SLC39A10: variants seen among roughly 807,000 people sequenced by gnomAD.
SLC39A10 encodes the protein solute carrier family 39 member 10.
A neutral mutation model predicts 65.1 loss-of-function variants in SLC39A10; 13 were observed. That is an observed-to-expected ratio of 0.20 (90% CI 0.13 to 0.32). SLC39A10 has a LOEUF of 0.32. Ranked by LOEUF, SLC39A10 falls within the 10% of genes least tolerant of loss-of-function variation. The pLI, the probability that SLC39A10 is intolerant of heterozygous loss-of-function variation, is 1.00. For synonymous variants in SLC39A10, 321 were observed against 342.2 expected, an observed-to-expected ratio of 0.94 and a Z score of 0.68; for missense variants, 831 against 1,018.4, an observed-to-expected ratio of 0.82 and a Z score of 2.50.
At chr2:195,705,126 C>T (rs1337283118) in intron 3 of SLC39A10, among the ~76,000 whole-genome samples, 1 of 152,122 alleles carries the variant, frequency 6.6e-6, no homozygotes, top group African/African-American at 2.4e-5. Flanking sequence ...TTTCCACTAA[C>T]CAGGATATAT....
chr2:195,683,807 A>G lies in SLC39A10; in HGVS notation c.1117A>G (p.Ser373Gly). 1 of 1,613,410 alleles carries G rather than the reference A, an allele frequency of 6.2e-7. No individual in the cohort carries two copies. The highest frequency in any genetic ancestry group is 1.1e-5 in the South Asian group (1 of 91,072). The stretch of plus-strand genomic sequence containing the variant: ...CCCTGCATTGTTATATCAAATCGAC[A>G]GCAGACTTTGTATTGAGCATTTTGA... Reference protein sequence around the residue: ...LCPALLYQIDSRLCIEHFDKL... With the variant: ...LCPALLYQIDGRLCIEHFDKL... The change falls in exon 3 of 10, where the codon AGC (serine) becomes GGC (glycine). Residue 373 changes from serine (S) to glycine (G), a missense_variant. This residue lies in a region of SLC39A10 where 446 missense variants were observed against 499.2 expected (regional missense o/e 0.89). Transcript: ENST00000359634.
At chr2:195,708,132 A>G (rs1691473621) in intron 4 of SLC39A10, among the ~76,000 whole-genome samples, 1 of 152,152 alleles carries the variant, frequency 6.6e-6, no homozygotes, top group Non-Finnish European at 1.5e-5. Context: ...TGATGAAATA[A>G]TCTGTACAAC....
In SLC39A10 at chr2:195,680,401, G is replaced by A. The variant is rs762046574; in HGVS notation, c.359G>A (p.Gly120Glu). 7 of 1,613,932 alleles carry A rather than the reference G, an allele frequency of 4.3e-6. No homozygotes were observed. The highest frequency in any genetic ancestry group is 1.3e-5 in the African/African-American group (1 of 74,872). Residue 120 changes from glycine to glutamate, a missense_variant, in exon 2 of 10, where the codon GGA (glycine) becomes GAA (glutamate). By Grantham distance (98) the Gly-to-Glu change is moderately conservative. Transcript: ENST00000359634. ...SHLDILAVQE[G>E]KHFHSHNHQH... The stretch of plus-strand genomic sequence containing the variant: ...TTAGATATTTTGGCAGTTCAAGAGG[G>A]AAAGCATTTTCACTCACATAACCAC...
chr2:195,632,346 C>G (rs1224370849), intron 2 of SLC39A10, among the ~76,000 whole-genome samples: 1 of 122,638 alleles, frequency 8.2e-6, no homozygotes, highest in African/African-American at 3.2e-5. Flanking sequence ...GTTGCCCAGG[C>G]TGGAGTGCTG....
At chr2:195,629,587 A>G (rs748526946) in intron 2 of SLC39A10, among the ~76,000 whole-genome samples, 1 of 152,062 alleles carries the variant, frequency 6.6e-6, no homozygotes, top group Non-Finnish European at 1.5e-5. Context: ...CACAAACTCA[A>G]TATTGTCTGA....
intron 3 of SLC39A10, among the ~76,000 whole-genome samples, chr2:195,696,634 G>A (rs1349078240): frequency 6.6e-6 from 1 of 151,932 alleles, no homozygotes; most frequent in Non-Finnish European, 1.5e-5. Flanking sequence ...CCGTGTAGTC[G>A]AAAATTTGTG....
chr2:195,621,036 A>T (rs1345386721), intron 2 of SLC39A10, among the ~76,000 whole-genome samples: 1 of 152,220 alleles, frequency 6.6e-6, no homozygotes, highest in Non-Finnish European at 1.5e-5. Flanking sequence ...GTCTGGATCT[A>T]ATATTTTTCA....
chr2:195,730,331 T>C (rs534572180), intron 9 of SLC39A10, among the ~76,000 whole-genome samples: 41 of 152,180 alleles, frequency 2.7e-4, no homozygotes, highest in African/African-American at 9.6e-4. Context: ...TTCTGTTTGT[T>C]TGTTTATTTG....
At chr2:195,661,790 C>T (rs1309187802) in intron 1 of SLC39A10, among the ~76,000 whole-genome samples, 1 of 152,086 alleles carries the variant, frequency 6.6e-6, no homozygotes, top group Non-Finnish European at 1.5e-5. Flanking sequence ...GGTTTGCAGG[C>T]TTGTACAAGT....
rs55916294 is a variant in SLC39A10 at position 195,735,805 on chromosome 2, ATT to A, written c.*781_*782del. On this transcript the variant is annotated 3_prime_UTR_variant, in exon 10 of 10. Coordinates refer to ENST00000359634, the MANE Select transcript of SLC39A10 (RefSeq NM_020342.3). ...TGTTTTTTACTTTAATTTTGTTTTG[ATT>A]TTTTTTTTTTTTTTTTGGCGGGGGT... is the stretch of plus-strand genomic sequence containing the variant. 690 of 124,354 alleles carry A rather than the reference ATT, an allele frequency of 5.5e-3. 5 individuals are homozygous for A. Among genetic ancestry groups the A allele is most frequent in the South Asian group, 0.013 (51 of 3,824 alleles). The allele number at this position is 124,354 out of a possible 1,614,324, so 7.7% of individuals were successfully genotyped here.
chr2:195,698,564 T>C (rs939214833), intron 3 of SLC39A10, among the ~76,000 whole-genome samples: 1 of 152,212 alleles, frequency 6.6e-6, no homozygotes, highest in Non-Finnish European at 1.5e-5. Flanking sequence ...TTTCTGCTCA[T>C]TGAGATGATC....
rs191126956 is a variant in SLC39A10, at chr2:195,689,094, G to C, written c.1216+5188G>C. 3.9e-3 allele frequency among the ~76,000 whole-genome samples: 587 copies of C among 152,288 alleles called. 1 individual carries two copies. Among genetic ancestry groups the C allele is most frequent in the Non-Finnish European group, 5.6e-3 (382 of 68,016 alleles). ...TCTCTGAAAAGACTGTGATGATTTA[G>C]TGGAGAAAACAGTGGATTAAAAATT... is the stretch of plus-strand genomic sequence containing the variant. On this transcript the variant is annotated intron_variant, in intron 3 of 9. Transcript: ENST00000359634.
intron 2 of SLC39A10, among the ~76,000 whole-genome samples, chr2:195,682,051 T>G (rs2105773281): frequency 6.6e-6 from 1 of 152,340 alleles, no homozygotes; most frequent in East Asian, 1.9e-4. Flanking sequence ...TGGGATGTCC[T>G]GTTTTCCTTT....
intron 8 of SLC39A10, among the ~76,000 whole-genome samples, chr2:195,723,027 T>A (rs1305309125): frequency 1.3e-5 from 2 of 152,154 alleles, no homozygotes; most frequent in Non-Finnish European, 2.9e-5. Context: ...CACTTACCCC[T>A]TTTTCTCTCT....
At chr2:195,624,712 TAA>T (rs1688426464) in intron 2 of SLC39A10, among the ~76,000 whole-genome samples, 1 of 150,478 alleles carries the variant, frequency 6.6e-6, no homozygotes, top group African/African-American at 2.4e-5. Context: ...CCACCTCTAC[TAA>T]AAGTACAAAT....
At chr2:195,679,022 G>A (rs962050084) in intron 1 of SLC39A10, among the ~76,000 whole-genome samples, 7 of 152,160 alleles carry the variant, frequency 4.6e-5, no homozygotes, top group Admixed American at 1.3e-4. Flanking sequence ...CTGCGTCTAC[G>A]TTGTCCAACA....
In SLC39A10 at chr2:195,736,490, A is replaced by G. The variant is rs1012390919; in HGVS notation, c.*1449A>G. On this transcript the variant is annotated 3_prime_UTR_variant, in exon 10 of 10. Coordinates refer to ENST00000359634, the MANE Select transcript of SLC39A10 (RefSeq NM_020342.3). ...CTGTAACAATCTATCTTATTGTTCA[A>G]ATATATAAGAGCCAAACTCTTTTCC... The G allele has an allele frequency of 6.2e-6, 1 of 161,958 alleles. No homozygotes were observed. The highest frequency in any genetic ancestry group is 2.4e-5 in the African/African-American group (1 of 41,532). 10.0% of individuals were successfully genotyped at this position (161,958 alleles called of 1,614,324 possible).
intron 3 of SLC39A10, among the ~76,000 whole-genome samples, chr2:195,691,095 A>G (rs577575488): frequency 6.6e-6 from 1 of 152,332 alleles, no homozygotes; most frequent in African/African-American, 2.4e-5. Flanking sequence ...AAGTGAGAAC[A>G]TACGATGTTT....
At chr2:195,681,419 G>A (rs1559031696) in intron 2 of SLC39A10, among the ~76,000 whole-genome samples, 1 of 152,034 alleles carries the variant, frequency 6.6e-6, no homozygotes, top group African/African-American at 2.4e-5. Context: ...CCAGCTACTC[G>A]GGAGGCTGAG....
Sources: allele counts gnomAD v4.1 joint callset (sites outside exome capture counted in the v4.1 genomes callset), GRCh38; gene constraint gnomAD v4.1.1; regional missense constraint gnomAD v4.1.1; transcripts MANE v1.5; gene names NCBI Gene and HGNC (gene_info 2026-07-23, HGNC 2026-07-21).